The following PCDH15 variants were observed in gnomAD, a reference collection of about 807,000 sequenced individuals.
The protein encoded by PCDH15 is protocadherin-15.
PCDH15 carries 129 observed loss-of-function variants against 178.5 expected under a neutral mutation model. The observed-to-expected ratio is 0.72, with a 90% CI of 0.63 to 0.84. The LOEUF is 0.84. Among genes scored for constraint, PCDH15 ranks in the 40% least tolerant of loss-of-function variants. PCDH15 has a pLI of 0.00. For synonymous variants in PCDH15, 800 were observed against 732.0 expected (o/e 1.09, Z -1.50); for missense variants, 2,230 against 2,099.9 (o/e 1.06, Z -1.21).
intron 14 of PCDH15, among the ~76,000 whole-genome samples, chr10:54,152,880 T>C (rs1054678026): frequency 1.3e-5 from 2 of 152,170 alleles, no homozygotes; most frequent in Non-Finnish European, 2.9e-5. Flanking sequence ...GCAGCCTTAC[T>C]TTTCCATAAT....
intron 1 of PCDH15, among the ~76,000 whole-genome samples, chr10:55,230,768 TAGAA>T (rs1272042653): frequency 4.0e-5 from 6 of 151,892 alleles, no homozygotes; most frequent in Non-Finnish European, 4.4e-5. Flanking sequence ...GTAACTGTAA[TAGAA>T]AGAGAGACTA....
chr10:53,915,538 A>G (rs1589401711), intron 25 of PCDH15, among the ~76,000 whole-genome samples: 1 of 152,302 alleles, frequency 6.6e-6, no homozygotes, highest in African/African-American at 2.4e-5. Context: ...AACTGCTGTC[A>G]CTACTGGCTC....
At chr10:55,180,677 G>T (rs1022429706) in intron 1 of PCDH15, among the ~76,000 whole-genome samples, 1 of 152,080 alleles carries the variant, frequency 6.6e-6, no homozygotes, top group East Asian at 1.9e-4. Flanking sequence ...TAAAATGATA[G>T]ATTGTAAATT....
intron 10 of PCDH15, among the ~76,000 whole-genome samples, chr10:54,205,837 C>A (rs1168605439): frequency 1.3e-5 from 2 of 151,184 alleles, no homozygotes; most frequent in African/African-American, 4.9e-5. Context: ...TAAATAAATT[C>A]AAAAACCTAT....
At chr10:53,956,215 A>AT (rs951742335) in intron 23 of PCDH15, among the ~76,000 whole-genome samples, 3 of 152,174 alleles carry the variant, frequency 2.0e-5, no homozygotes, top group East Asian at 1.9e-4. Flanking sequence ...TTAGTTCCAT[A>AT]TTTTTTTGGC....
chr10:54,948,368 G>C (rs1216744482), intron 2 of PCDH15, among the ~76,000 whole-genome samples: 4 of 151,910 alleles, frequency 2.6e-5, no homozygotes, highest in Admixed American at 6.6e-5. Flanking sequence ...CAAGTAATTG[G>C]ATGAGGCCCA....
intron 1 of PCDH15, among the ~76,000 whole-genome samples, chr10:54,673,112 T>A (rs1017754100): frequency 7.2e-5 from 11 of 152,114 alleles, no homozygotes; most frequent in Admixed American, 3.3e-4. Flanking sequence ...GGGATACATG[T>A]CCAGAATGTG....
In PCDH15 at chr10:55,545,244, T is replaced by C. The variant is rs532881799; in HGVS notation, c.-156+82381A>G. Among the ~76,000 whole-genome samples the C allele has an allele frequency of 9.6e-4, 145 of 150,276 alleles. 1 individual carries two copies. Among genetic ancestry groups the C allele is most frequent in the Non-Finnish European group, 1.6e-3 (108 of 67,744 alleles). ...TCAAAGATAAGAATTTCAACTAATA[T>C]GGAAAAATAATGAAGATGCTCAGTT... On this transcript the variant is annotated intron_variant, in intron 2 of 5. Transcript: ENST00000613346.
rs180954810 is a variant in PCDH15, at chr10:55,410,890, G to C, written c.-156+216735C>G. Among the ~76,000 whole-genome samples the C allele has an allele frequency of 1.8e-3, 280 of 152,128 alleles. 1 individual carries two copies. Among genetic ancestry groups the C allele is most frequent in the African/African-American group, 4.8e-3 (199 of 41,492 alleles). On this transcript the variant is annotated intron_variant, in intron 2 of 5. Coordinates refer to the PCDH15 transcript ENST00000613346. ...TATTACTAGACATGTACGCATTATTGCTGCTGGTCTCACAGGCCCTTCAAG... is the reference window on the plus strand; with the variant it reads ...TATTACTAGACATGTACGCATTATTCCTGCTGGTCTCACAGGCCCTTCAAG...
At chr10:55,186,651 A>T (rs2132140652) in intron 1 of PCDH15, among the ~76,000 whole-genome samples, 1 of 151,924 alleles carries the variant, frequency 6.6e-6, no homozygotes, top group Admixed American at 6.6e-5. Flanking sequence ...TTACATTTTT[A>T]AAAAATCTAT....
At chr10:54,170,426 C>A (rs1024670383) in intron 13 of PCDH15, among the ~76,000 whole-genome samples, 34 of 151,988 alleles carry the variant, frequency 2.2e-4, no homozygotes, top group Non-Finnish European at 4.4e-4. Flanking sequence ...TGCATTAATA[C>A]TTTTAGAGGC....
intron 2 of PCDH15, among the ~76,000 whole-genome samples, chr10:55,543,487 T>C (rs1023470446): frequency 6.6e-6 from 1 of 151,380 alleles, no homozygotes; most frequent in African/African-American, 2.4e-5. Flanking sequence ...CTAATCTACT[T>C]AATATGTCAG....
intron 2 of PCDH15, among the ~76,000 whole-genome samples, chr10:54,910,348 G>A (rs766400649): frequency 1.1e-4 from 17 of 152,126 alleles, no homozygotes; most frequent in Non-Finnish European, 2.2e-4. Context: ...ATTTACTCAA[G>A]TTCTGAAGGT....
At chr10:55,310,558 C>T (rs1253428032) in intron 1 of PCDH15, among the ~76,000 whole-genome samples, 1 of 152,038 alleles carries the variant, frequency 6.6e-6, no homozygotes, top group African/African-American at 2.4e-5. Context: ...ACACATACAG[C>T]ATGTGTTAAA....
chr10:54,723,935 T>G (rs1051721071), intron 1 of PCDH15, among the ~76,000 whole-genome samples: 6 of 151,730 alleles, frequency 4.0e-5, no homozygotes, highest in African/African-American at 1.4e-4. Context: ...TATACACTGT[T>G]GGTGAGAATG....
intron 2 of PCDH15, among the ~76,000 whole-genome samples, chr10:55,405,959 A>G (rs1838188063): frequency 6.6e-6 from 1 of 151,984 alleles, no homozygotes; most frequent in South Asian, 2.1e-4. Context: ...TTTTAAATCA[A>G]GTAATCAGAG....
intron 9 of PCDH15, among the ~76,000 whole-genome samples, chr10:54,219,882 T>A (rs944469314): frequency 6.6e-6 from 1 of 152,018 alleles, no homozygotes; most frequent in African/African-American, 2.4e-5. Flanking sequence ...ATTTGTGGAT[T>A]AAAATTATAT....
intron 1 of PCDH15, among the ~76,000 whole-genome samples, chr10:54,749,832 T>C (rs1345708538): frequency 6.6e-6 from 1 of 152,234 alleles, no homozygotes; most frequent in East Asian, 1.9e-4. Flanking sequence ...TCTTGAGCAA[T>C]TGTTGACTAC....
At position 55,611,751 on chromosome 10, in the gene PCDH15, T is replaced by C. The variant is rs372287560; in HGVS notation, c.-156+15874A>G. ...CACAATAGCCAAGATATGGAAACAA[T>C]CTAAGTGCATATCAAGGGATGAATG... On this transcript the variant is annotated intron_variant, in intron 2 of 5. Coordinates refer to the PCDH15 transcript ENST00000613346. Among the ~76,000 whole-genome samples the C allele has an allele frequency of 5.3e-5, 8 of 152,110 alleles. No homozygotes were observed. The South Asian group carries it at 6.2e-4, about 12-fold the overall frequency.
Sources: gnomAD v4.1 joint callset for allele counts (sites outside exome capture counted in the v4.1 genomes callset) on GRCh38, gnomAD v4.1.1 for gene constraint, MANE v1.5 for transcripts, NCBI Gene and HGNC (gene_info 2026-07-23, HGNC 2026-07-21) for gene names.